GRIN2B: variants seen among roughly 807,000 people sequenced by gnomAD.
GRIN2B encodes glutamate ionotropic receptor NMDA type subunit 2B, also known as glutamate receptor ionotropic, NMDA 2B.
Under a neutral mutation model 114.5 loss-of-function variants are expected in GRIN2B, and 5 were observed. The observed-to-expected ratio is 0.04, with a 90% CI of 0.02 to 0.09. The LOEUF (loss-of-function observed/expected upper bound fraction) is 0.09. Among genes scored for constraint, GRIN2B ranks in the 10% least tolerant of loss-of-function variants. The pLI is 1.00. For missense variants in GRIN2B, 1,108 were observed against 1,943.5 expected (o/e 0.57, Z 8.08); for synonymous variants, 787 against 745.1 (o/e 1.06, Z -0.92).
intron 2 of GRIN2B, among the ~76,000 whole-genome samples, chr12:13,902,120 ATTTT>A (rs1402003731): frequency 6.6e-6 from 1 of 152,134 alleles, no homozygotes; most frequent in Non-Finnish European, 1.5e-5. Context: ...TCTGATAATT[ATTTT>A]TTAATTGGAG....
chr12:13,579,504 C>A (rs1177137254), intron 10 of GRIN2B, among the ~76,000 whole-genome samples: 2 of 152,200 alleles, frequency 1.3e-5, no homozygotes, highest in Non-Finnish European at 2.9e-5. Flanking sequence ...TCAATCTGGG[C>A]AAAGTATTGG....
rs1948331610 is a variant in GRIN2B at position 13,545,513 on chromosome 12, C to A, written c.*17270G>T. 6.6e-6 allele frequency: 1 copy of A among 152,006 alleles called. No homozygotes were observed. The highest frequency in any genetic ancestry group is 2.1e-4 in the South Asian group (1 of 4,808). The allele number at this position is 152,006 out of a possible 1,614,324, so 9.4% of individuals were successfully genotyped here. The stretch of plus-strand genomic sequence containing the variant: ...GCTCTGAAGCCACAGACCAAATATC[C>A]CCAAAATAAGAGCTCCAGTAAACAA... On this transcript the variant is annotated 3_prime_UTR_variant, in exon 14 of 14. Transcript: ENST00000609686.
At chr12:13,960,173 T>C (rs990357737) in intron 2 of GRIN2B, among the ~76,000 whole-genome samples, 7 of 152,106 alleles carry the variant, frequency 4.6e-5, no homozygotes, top group Non-Finnish European at 1.0e-4. Flanking sequence ...GCAAATGTCC[T>C]TTGAGAGGAA....
intron 10 of GRIN2B, among the ~76,000 whole-genome samples, chr12:13,605,551 T>TCTCTCTCTCACACACA: frequency 6.2e-4 from 19 of 30,478 alleles, no homozygotes; most frequent in Admixed American, 1.1e-3. Context: ...TCTCTCTCTC[T>TCTCTCTCTCACACACA]GACACACACA....
Position 13,551,610 on chromosome 12 carries a change from C to G in GRIN2B, c.*11173G>C, listed in dbSNP as rs1007051249. ...ATTCTAAATGAACACTTTCATCTACCATAACATGATTGACATAGGAAATTT... is the reference window on the plus strand; with the variant it reads ...ATTCTAAATGAACACTTTCATCTACGATAACATGATTGACATAGGAAATTT... On this transcript the variant is annotated 3_prime_UTR_variant, in exon 14 of 14. Coordinates refer to ENST00000609686, the MANE Select transcript of GRIN2B (RefSeq NM_000834.5). 2 of 152,106 alleles carry G rather than the reference C, an allele frequency of 1.3e-5. No homozygotes were observed. The highest frequency in any genetic ancestry group is 4.8e-5 in the African/African-American group (2 of 41,414). 9.4% of individuals were successfully genotyped at this position (152,106 alleles called of 1,614,324 possible). A position where few individuals can be genotyped will look rare whatever the true frequency, so the allele number is the denominator to read the frequency against.
intron 10 of GRIN2B, among the ~76,000 whole-genome samples, chr12:13,603,278 T>C (rs1313308531): frequency 6.6e-6 from 1 of 152,248 alleles, no homozygotes; most frequent in Non-Finnish European, 1.5e-5. Flanking sequence ...ATTAATTAGA[T>C]AGCTACATGT....
At chr12:13,591,315 G>A (rs930505141) in intron 10 of GRIN2B, among the ~76,000 whole-genome samples, 4 of 152,198 alleles carry the variant, frequency 2.6e-5, no homozygotes, top group African/African-American at 4.8e-5. Context: ...TAGAAACAGC[G>A]TGGGCTTTGT....
intron 3 of GRIN2B, among the ~76,000 whole-genome samples, chr12:13,782,250 C>T (rs1313714679): frequency 6.6e-6 from 1 of 152,074 alleles, no homozygotes; most frequent in East Asian, 1.9e-4. Flanking sequence ...GGGGGTCACA[C>T]AGGGGAAAGG....
At chr12:13,817,286 T>A (rs144916214) in intron 3 of GRIN2B, among the ~76,000 whole-genome samples, 22 of 152,226 alleles carry the variant, frequency 1.4e-4, no homozygotes, top group African/African-American at 4.6e-4. Context: ...TGGTCCAGAA[T>A]CTGCCTCCAC....
chr12:13,667,273 G>A (rs555469033), intron 5 of GRIN2B, among the ~76,000 whole-genome samples: 1 of 152,268 alleles, frequency 6.6e-6, no homozygotes, highest in Admixed American at 6.5e-5. Flanking sequence ...CGCACTGTAT[G>A]AGAAGATCAA....
At chr12:13,586,236 C>A (rs1948923490) in intron 10 of GRIN2B, among the ~76,000 whole-genome samples, 1 of 152,124 alleles carries the variant, frequency 6.6e-6, no homozygotes, top group Non-Finnish European at 1.5e-5. Context: ...ACACAAAAGA[C>A]CATACATGGT....
intron 4 of GRIN2B, among the ~76,000 whole-genome samples, chr12:13,716,487 C>A (rs1039761635): frequency 5.9e-5 from 9 of 151,934 alleles, no homozygotes; most frequent in African/African-American, 1.7e-4. Flanking sequence ...CTTTGAATAT[C>A]TTACCGTTGA....
At chr12:13,851,657 A>T (rs1006243338) in intron 3 of GRIN2B, among the ~76,000 whole-genome samples, 1 of 152,178 alleles carries the variant, frequency 6.6e-6, no homozygotes, top group African/African-American at 2.4e-5. Context: ...CCATACACTA[A>T]AATAAACTAT....
intron 3 of GRIN2B, among the ~76,000 whole-genome samples, chr12:13,797,945 A>G (rs1211838423): frequency 6.6e-6 from 1 of 152,130 alleles, no homozygotes; most frequent in Non-Finnish European, 1.5e-5. Flanking sequence ...CACATCTCCT[A>G]CCTATAATCA....
intron 11 of GRIN2B, 96 bp from the exon 12 acceptor site, chr12:13,570,113 T>C: frequency 1.2e-6 from 1 of 854,574 alleles, no homozygotes; most frequent in Non-Finnish European, 1.9e-6. Context: ...TCCAGAAAAC[T>C]ATGTGGAGAA....
chr12:13,978,155 C>T (rs935508755), intron 2 of GRIN2B, among the ~76,000 whole-genome samples: 16 of 152,212 alleles, frequency 1.1e-4, no homozygotes, highest in African/African-American at 3.4e-4. Flanking sequence ...CCCTCCTCTC[C>T]TTGTCCATCT....
intron 2 of GRIN2B, among the ~76,000 whole-genome samples, chr12:13,874,347 T>C (rs1418765046): frequency 1.3e-5 from 2 of 152,238 alleles, no homozygotes. Context: ...ATATTCTTGA[T>C]ACAAGGTTTG....
intron 2 of GRIN2B, among the ~76,000 whole-genome samples, chr12:13,973,357 G>T (rs1862962843): frequency 6.6e-6 from 1 of 152,180 alleles, no homozygotes; most frequent in Non-Finnish European, 1.5e-5. Flanking sequence ...AGAGGATGGC[G>T]TGTAGACAGC....
At chr12:13,690,703 A>G (rs1950209668) in intron 4 of GRIN2B, among the ~76,000 whole-genome samples, 1 of 152,116 alleles carries the variant, frequency 6.6e-6, no homozygotes, top group South Asian at 2.1e-4. Flanking sequence ...GAACATAATT[A>G]ATGATCGGTA....
Sources: gnomAD v4.1 joint callset for allele counts (sites outside exome capture counted in the v4.1 genomes callset) on GRCh38, gnomAD v4.1.1 for gene constraint, MANE v1.5 for transcripts, NCBI Gene and HGNC (gene_info 2026-07-23, HGNC 2026-07-21) for gene names.